The following KIRREL3 variants were observed in gnomAD, a reference collection of about 807,000 sequenced individuals.
The protein encoded by KIRREL3 is kirre like nephrin family adhesion molecule 3, also known as kin of IRRE-like protein 3.
KIRREL3 carries 36 observed loss-of-function variants against 89.7 expected under a neutral mutation model. That is an observed-to-expected ratio of 0.40 (90% CI 0.31 to 0.53). The LOEUF (loss-of-function observed/expected upper bound fraction) is 0.53. Ranked by LOEUF, KIRREL3 falls within the 20% of genes least tolerant of loss-of-function variation. The pLI is 0.49. For missense variants in KIRREL3, 864 were observed against 1,056.6 expected, an observed-to-expected ratio of 0.82 and a Z score of 2.53; for synonymous variants, 445 against 441.4, an observed-to-expected ratio of 1.01 and a Z score of -0.10.
Position 126,427,735 on chromosome 11 carries a change from G to A in KIRREL3, c.1806+1444C>T, listed in dbSNP as rs1394751675. Among the ~76,000 whole-genome samples the A allele has an allele frequency of 2.0e-5, 3 of 152,176 alleles. No individual in the cohort carries two copies. Among genetic ancestry groups the A allele is most frequent in the Admixed American group, 2.0e-4 (3 of 15,272 alleles). ...CCACCGAGGGATTTTAAGTGGGCAA[G>A]TAACAGGACCAGATTTGCATTTTAG... On this transcript the variant is annotated intron_variant, in intron 15 of 16. Coordinates refer to ENST00000525144, the MANE Select transcript of KIRREL3 (RefSeq NM_032531.4). This position sits in a 1 kb window ranked among gnomAD's most constrained non-coding sequence, Gnocchi z 5.3.
At position 126,995,463 on chromosome 11, in the gene KIRREL3, A is replaced by T; in HGVS notation, c.55+4992T>A. The T allele has an allele frequency of 2.6e-6, 1 of 383,406 alleles. No individual in the cohort carries two copies. Among genetic ancestry groups the T allele is most frequent in the South Asian group, 2.0e-5 (1 of 50,938 alleles). 23.8% of individuals were successfully genotyped at this position (383,406 alleles called of 1,614,324 possible). A position where few individuals can be genotyped will look rare whatever the true frequency, so the allele number is the denominator to read the frequency against. On this transcript the variant is annotated intron_variant, in intron 1 of 16. Coordinates refer to ENST00000525144, the MANE Select transcript of KIRREL3 (RefSeq NM_032531.4). This position sits in a 1 kb window ranked among gnomAD's most constrained non-coding sequence, Gnocchi z 6.5. ...TAAAAAAACGCCTGCACTGTTTTTCACCTAAGGTCATCTCGACAATTTACA... is the reference window on the plus strand; with the variant it reads ...TAAAAAAACGCCTGCACTGTTTTTCTCCTAAGGTCATCTCGACAATTTACA...
intron 1 of KIRREL3, among the ~76,000 whole-genome samples, chr11:126,775,392 G>A (rs1950141850): frequency 6.6e-6 from 1 of 152,168 alleles, no homozygotes; most frequent in South Asian, 2.1e-4. Flanking sequence ...AAATTTTGCG[G>A]AGGAGATGCA....
At chr11:126,979,568 A>G (rs1949668154) in intron 1 of KIRREL3, among the ~76,000 whole-genome samples, 1 of 152,204 alleles carries the variant, frequency 6.6e-6, no homozygotes, top group Non-Finnish European at 1.5e-5. Context: ...TGGGGAGTGA[A>G]GGACACCAGA....
chr11:126,527,793 CTGAAGACCA>C lies in KIRREL3; in HGVS notation c.134-1115_134-1107del, dbSNP rs1433753005. ...GCGGTGAATCCAAGTCTTTCTGGCT[CTGAAGACCA>C]TGCTCTCCCCTACTGAGCTATGCTG... On this transcript the variant is annotated intron_variant, in intron 2 of 16. Transcript: ENST00000525144. The surrounding 1 kb of genome is among the most constrained non-coding windows in gnomAD (Gnocchi z 4.2). Among the ~76,000 whole-genome samples, 1 of 152,086 alleles carries C rather than the reference CTGAAGACCA, an allele frequency of 6.6e-6. No homozygotes were observed. Among genetic ancestry groups the C allele is most frequent in the Non-Finnish European group, 1.5e-5 (1 of 68,028 alleles).
chr11:126,955,455 G>C lies in KIRREL3; in HGVS notation c.55+45000C>G, dbSNP rs1203844469. 1.3e-5 allele frequency among the ~76,000 whole-genome samples: 2 copies of C among 152,178 alleles called. No individual in the cohort carries two copies. The highest frequency in any genetic ancestry group is 4.8e-5 in the African/African-American group (2 of 41,446). On this transcript the variant is annotated intron_variant, in intron 1 of 16. Coordinates refer to ENST00000525144, the MANE Select transcript of KIRREL3 (RefSeq NM_032531.4). This position sits in a 1 kb window ranked among gnomAD's most constrained non-coding sequence, Gnocchi z 4.6. ...GGAAGAAATGCCCTGGCCGCCCATG[G>C]GCCGGGATCTTCCTAGCCCTCCCTT...
chr11:126,926,046 T>C (rs1449237417), intron 1 of KIRREL3, among the ~76,000 whole-genome samples: 2 of 152,240 alleles, frequency 1.3e-5, no homozygotes, highest in Non-Finnish European at 1.5e-5. Flanking sequence ...TATATGACTC[T>C]AACCACCACG....
chr11:126,707,544 T>C (rs1217080462), intron 1 of KIRREL3, among the ~76,000 whole-genome samples: 1 of 152,196 alleles, frequency 6.6e-6, no homozygotes, highest in African/African-American at 2.4e-5. Flanking sequence ...AGTCCATTGT[T>C]CTCTCTGTTC....
At position 126,918,958 on chromosome 11, in the gene KIRREL3, T is replaced by C. The variant is rs370515868; in HGVS notation, c.55+81497A>G. ...TCATATGTTATAACATCATATGTTA[T>C]AAGATATGTATTGTTACATCATATT... On this transcript the variant is annotated intron_variant, in intron 1 of 16. Coordinates refer to ENST00000525144, the MANE Select transcript of KIRREL3 (RefSeq NM_032531.4). This position sits in a 1 kb window ranked among gnomAD's most constrained non-coding sequence, Gnocchi z 6.5. Among the ~76,000 whole-genome samples the C allele has an allele frequency of 1.4e-5, 2 of 145,310 alleles. No individual in the cohort carries two copies. The highest frequency in any genetic ancestry group is 1.9e-4 in the East Asian group (1 of 5,148).
In KIRREL3 at chr11:126,535,574, G is replaced by GGGGT. The variant is rs111295859; in HGVS notation, c.134-8888_134-8887insACCC. 8.0e-5 allele frequency among the ~76,000 whole-genome samples: 12 copies of GGGGT among 150,758 alleles called. No individual in the cohort carries two copies. Among genetic ancestry groups the GGGGT allele is most frequent in the African/African-American group, 2.9e-4 (12 of 41,012 alleles). On this transcript the variant is annotated intron_variant, in intron 2 of 16. Coordinates refer to ENST00000525144, the MANE Select transcript of KIRREL3 (RefSeq NM_032531.4). This position sits in a 1 kb window ranked among gnomAD's most constrained non-coding sequence, Gnocchi z 4.5. ...GGCAGCACTGCAGGGTGCTGGGTCG[G>GGGGT]GTGTGTGTGTGTGTGTGTGCACGTG... is the stretch of plus-strand genomic sequence containing the variant.
intron 1 of KIRREL3, among the ~76,000 whole-genome samples, chr11:126,998,451 T>C (rs1950232362): frequency 6.6e-6 from 1 of 152,142 alleles, no homozygotes; most frequent in Admixed American, 6.5e-5. Flanking sequence ...CTGGACCAGG[T>C]ATCTACCATT....
intron 1 of KIRREL3, among the ~76,000 whole-genome samples, chr11:126,838,931 A>T (rs963899037): frequency 2.6e-5 from 4 of 152,150 alleles, no homozygotes; most frequent in African/African-American, 9.7e-5. Flanking sequence ...TGTGTCTCTC[A>T]CATTCCTGCT....
In KIRREL3 at chr11:126,563,422, G is replaced by A. The variant is rs138342415; in HGVS notation, c.56-510C>T. Among the ~76,000 whole-genome samples the A allele has an allele frequency of 1.1e-4, 16 of 152,352 alleles. No individual in the cohort carries two copies. The East Asian group carries it at 2.5e-3, about 24-fold the overall frequency. On this transcript the variant is annotated intron_variant, in intron 1 of 16. Coordinates refer to ENST00000525144, the MANE Select transcript of KIRREL3 (RefSeq NM_032531.4). This position sits in a 1 kb window ranked among gnomAD's most constrained non-coding sequence, Gnocchi z 6.8. ...TGACTCAGGAGGATGAAGTGATTGC[G>A]TGAGTTTAGGGCAGCGGGGCGACAC...
At chr11:126,846,475 A>C (rs896574223) in intron 1 of KIRREL3, among the ~76,000 whole-genome samples, 1 of 152,254 alleles carries the variant, frequency 6.6e-6, no homozygotes, top group African/African-American at 2.4e-5. Context: ...ACATGACTTC[A>C]GTAATCTTTG....
chr11:126,773,732 G>T lies in KIRREL3; in HGVS notation c.56-210820C>A, dbSNP rs1228472057. On this transcript the variant is annotated intron_variant, in intron 1 of 16. Coordinates refer to ENST00000525144, the MANE Select transcript of KIRREL3 (RefSeq NM_032531.4). This position sits in a 1 kb window ranked among gnomAD's most constrained non-coding sequence, Gnocchi z 4.2. ...TCCTGTGAGCTCCTTGGAGGCTGGGGCCCACATATATTATTTATCTCTATT... is the reference window on the plus strand; with the variant it reads ...TCCTGTGAGCTCCTTGGAGGCTGGGTCCCACATATATTATTTATCTCTATT... 2.0e-5 allele frequency among the ~76,000 whole-genome samples: 3 copies of T among 152,132 alleles called. No individual in the cohort carries two copies. The highest frequency in any genetic ancestry group is 2.0e-4 in the Admixed American group (3 of 15,268).
At chr11:126,456,819 C>T (rs1956360990) in intron 6 of KIRREL3, among the ~76,000 whole-genome samples, 1 of 152,188 alleles carries the variant, frequency 6.6e-6, no homozygotes, top group Non-Finnish European at 1.5e-5. Flanking sequence ...CACTCAGTCT[C>T]GCTTCAGTGC....
intron 7 of KIRREL3, among the ~76,000 whole-genome samples, chr11:126,450,326 T>C (rs1380705493): frequency 2.0e-5 from 3 of 150,540 alleles, no homozygotes; most frequent in Non-Finnish European, 4.4e-5. Flanking sequence ...CACGTGTGCA[T>C]GTGTGAGCGT....
chr11:126,850,371 C>T (rs2134560855), intron 1 of KIRREL3, among the ~76,000 whole-genome samples: 1 of 152,302 alleles, frequency 6.6e-6, no homozygotes, highest in Admixed American at 6.5e-5. Context: ...GGCTTGCCCT[C>T]AGACACCTGC....
chr11:126,435,535 T>C (rs1397174650), intron 12 of KIRREL3, among the ~76,000 whole-genome samples: 3 of 31,574 alleles, frequency 9.5e-5, no homozygotes, highest in African/African-American at 4.1e-4. Context: ...CGGAGGGGTC[T>C]GGGAGGGTTG....
intron 8 of KIRREL3, among the ~76,000 whole-genome samples, chr11:126,448,394 G>T (rs1157080626): frequency 1.3e-5 from 2 of 152,162 alleles, no homozygotes; most frequent in Non-Finnish European, 2.9e-5. Context: ...CATTGCCTGG[G>T]TTCAGTTCTC....
Sources: gnomAD v4.1 joint callset for allele counts (sites outside exome capture counted in the v4.1 genomes callset) on GRCh38, gnomAD v4.1.1 for gene constraint, Gnocchi (gnomAD v3.1) non-coding constraint, MANE v1.5 for transcripts, NCBI Gene and HGNC (gene_info 2026-07-23, HGNC 2026-07-21) for gene names.